HHAT: variants seen among roughly 807,000 people sequenced by gnomAD.
The protein encoded by HHAT is hedgehog acyltransferase, also known as protein-cysteine N-palmitoyltransferase HHAT.
HHAT carries 47 observed loss-of-function variants against 70.8 expected under a neutral mutation model. The observed-to-expected ratio is 0.66, with a 90% CI of 0.53 to 0.85. The LOEUF is 0.85. Ranked by LOEUF, HHAT falls within the 40% of genes least tolerant of loss-of-function variation. The pLI is 0.00. For missense variants in HHAT, 609 were observed against 604.8 expected, an observed-to-expected ratio of 1.01 and a Z score of -0.07; for synonymous variants, 228 against 247.6, an observed-to-expected ratio of 0.92 and a Z score of 0.74.
chr1:210,634,117 G>A (rs1223493647), intron 11 of HHAT, among the ~76,000 whole-genome samples: 1 of 152,206 alleles, frequency 6.6e-6, no homozygotes, highest in Non-Finnish European at 1.5e-5. Flanking sequence ...TTTGCTGTTA[G>A]AAATCTCCTG....
chr1:210,556,195 G>T (rs554525731), intron 9 of HHAT, among the ~76,000 whole-genome samples: 2 of 152,100 alleles, frequency 1.3e-5, no homozygotes, highest in East Asian at 3.9e-4. Context: ...AGCCCTTCCA[G>T]CCTCCTCCCA....
chr1:210,619,468 A>G (rs1182666507), intron 10 of HHAT, among the ~76,000 whole-genome samples: 3 of 152,102 alleles, frequency 2.0e-5, no homozygotes, highest in East Asian at 1.9e-4. Context: ...CTGCCCTGGG[A>G]TGCATTTCTC....
intron 11 of HHAT, among the ~76,000 whole-genome samples, chr1:210,657,692 T>A (rs2148951534): frequency 6.6e-6 from 1 of 152,354 alleles, no homozygotes; most frequent in East Asian, 1.9e-4. Context: ...TAGGCATCAC[T>A]CTCTTTCCTT....
chr1:210,657,261 A>G (rs1676644049), intron 11 of HHAT, among the ~76,000 whole-genome samples: 1 of 152,172 alleles, frequency 6.6e-6, no homozygotes, highest in Non-Finnish European at 1.5e-5. Flanking sequence ...CCTCTGGACA[A>G]CCTAGTCCAC....
chr1:210,342,433 C>T (rs2086119612), intron 1 of HHAT, among the ~76,000 whole-genome samples: 1 of 152,240 alleles, frequency 6.6e-6, no homozygotes, highest in Non-Finnish European at 1.5e-5. Flanking sequence ...AGACACATCT[C>T]ACCATCACAC....
intron 3 of HHAT, among the ~76,000 whole-genome samples, chr1:210,368,570 C>T (rs1354609182): frequency 6.6e-6 from 1 of 151,076 alleles, no homozygotes; most frequent in African/African-American, 2.4e-5. Flanking sequence ...GGATTACAGG[C>T]ATGAGCCACT....
At chr1:210,471,715 G>C (rs771245939) in intron 8 of HHAT, among the ~76,000 whole-genome samples, 1 of 152,140 alleles carries the variant, frequency 6.6e-6, no homozygotes, top group African/African-American at 2.4e-5. Context: ...TGCCAGGACA[G>C]TTATTTTTAA....
intron 6 of HHAT, among the ~76,000 whole-genome samples, chr1:210,407,314 G>A (rs1044913231): frequency 6.6e-6 from 1 of 152,224 alleles, no homozygotes; most frequent in Non-Finnish European, 1.5e-5. Flanking sequence ...TCAGCTATAA[G>A]GATTGGAAAT....
chr1:210,356,314 G>T (rs1213805919), intron 2 of HHAT, among the ~76,000 whole-genome samples: 1 of 152,082 alleles, frequency 6.6e-6, no homozygotes, highest in Non-Finnish European at 1.5e-5. Flanking sequence ...TTCCTGAAAA[G>T]TTGCATATTA....
intron 11 of HHAT, among the ~76,000 whole-genome samples, chr1:210,669,663 C>T (rs1160882122): frequency 6.6e-6 from 1 of 152,220 alleles, no homozygotes; most frequent in Non-Finnish European, 1.5e-5. Flanking sequence ...AACTGATCAC[C>T]TGTTTAGATC....
intron 9 of HHAT, among the ~76,000 whole-genome samples, chr1:210,585,503 C>G (rs751913602): frequency 6.6e-6 from 1 of 152,154 alleles, no homozygotes; most frequent in African/African-American, 2.4e-5. Context: ...ACCTCCACCT[C>G]CTCCTCCCGG....
chr1:210,449,065 A>G (rs1225060796), intron 7 of HHAT, among the ~76,000 whole-genome samples: 2 of 99,308 alleles, frequency 2.0e-5, no homozygotes, highest in Non-Finnish European at 4.7e-5. Flanking sequence ...CACAACCACC[A>G]ACAAAAATCA....
chr1:210,604,491 T>C (rs1664978251), intron 10 of HHAT, among the ~76,000 whole-genome samples: 1 of 152,178 alleles, frequency 6.6e-6, no homozygotes, highest in South Asian at 2.1e-4. Flanking sequence ...AAAATACACA[T>C]ACACAGAAAA....
chr1:210,436,511 G>T (rs2093379348), intron 7 of HHAT, among the ~76,000 whole-genome samples: 2 of 151,562 alleles, frequency 1.3e-5, no homozygotes, highest in Non-Finnish European at 2.9e-5. Context: ...GACCGTCATT[G>T]GTATTTTGAT....
Position 210,497,931 on chromosome 1 carries a change from A to G in HHAT, c.1008-15222A>G, listed in dbSNP as rs1250927478. Among the ~76,000 whole-genome samples, 5 of 152,154 alleles carry G rather than the reference A, an allele frequency of 3.3e-5. No individual in the cohort carries two copies. In the East Asian group the frequency reaches 7.7e-4, roughly 24 times the overall value. On this transcript the variant is annotated intron_variant, in intron 8 of 11. Coordinates refer to ENST00000261458, the MANE Select transcript of HHAT (RefSeq NM_018194.6). The stretch of plus-strand genomic sequence containing the variant: ...CAGGCATGCACCATCACGCCCAGCT[A>G]ATTTTTATATTTTTAGTAGAGGCTA...
intron 9 of HHAT, among the ~76,000 whole-genome samples, chr1:210,520,558 C>A (rs2095141154): frequency 6.6e-6 from 1 of 152,026 alleles, no homozygotes; most frequent in African/African-American, 2.4e-5. Context: ...ATGGGACTAA[C>A]AAAGAGTGCT....
At chr1:210,370,457 G>A (rs2089463842) in intron 3 of HHAT, among the ~76,000 whole-genome samples, 1 of 151,498 alleles carries the variant, frequency 6.6e-6, no homozygotes. Context: ...ACAGGTGTGA[G>A]CCACTGCATC....
chr1:210,630,319 G>A (rs953293425), intron 11 of HHAT, among the ~76,000 whole-genome samples: 22 of 152,236 alleles, frequency 1.4e-4, no homozygotes, highest in Admixed American at 7.8e-4. Context: ...TAGAGGAGCC[G>A]TTACTCAGCC....
intron 3 of HHAT, among the ~76,000 whole-genome samples, chr1:210,370,821 A>C (rs1226717875): frequency 6.6e-6 from 1 of 151,812 alleles, no homozygotes; most frequent in African/African-American, 2.4e-5. Context: ...TCACCGCATT[A>C]GTTAGGATGG....
Sources: gnomAD v4.1 joint callset for allele counts (sites outside exome capture counted in the v4.1 genomes callset) on GRCh38, gnomAD v4.1.1 for gene constraint, MANE v1.5 for transcripts, NCBI Gene and HGNC (gene_info 2026-07-23, HGNC 2026-07-21) for gene names.